C1orf35: variants seen among roughly 807,000 people sequenced by gnomAD.
C1orf35 encodes the protein chromosome 1 open reading frame 35.
C1orf35 carries 36 observed loss-of-function variants against 30.9 expected under a neutral mutation model. That is an observed-to-expected ratio of 1.16 (90% CI 0.89 to 1.54). C1orf35 has a LOEUF of 1.54. C1orf35 is among the 40% of genes most tolerant of loss of function. The pLI is 0.00. For synonymous variants in C1orf35, 179 were observed against 148.2 expected, an observed-to-expected ratio of 1.21 and a Z score of -1.51; for missense variants, 396 against 358.7, an observed-to-expected ratio of 1.10 and a Z score of -0.84.
At position 228,103,287 on chromosome 1, in the gene C1orf35, G is replaced by C. The variant is rs571684864; in HGVS notation, c.-60C>G. The C allele has an allele frequency of 1.5e-5, 24 of 1,578,190 alleles. No individual in the cohort carries two copies. The highest frequency in any genetic ancestry group is 1.9e-5 in the Non-Finnish European group (22 of 1,163,090). On this transcript the variant is annotated 5_prime_UTR_variant, in exon 1 of 8. Transcript: ENST00000272139. ...TTGCAACCTGCAACCCGCAACCCGA[G>C]ACCCGCTACCCACTACCGTCGGACC...
chr1:228,100,991 C>T lies in C1orf35; in HGVS notation c.*140G>A. On this transcript the variant is annotated 3_prime_UTR_variant, in exon 8 of 8. Transcript: ENST00000272139. ...CAGAGCTAGCTGTCAAGTCTTTAGCCCCACAGGCTGGTGCCCAGAGCCACT... is the reference window on the plus strand; with the variant it reads ...CAGAGCTAGCTGTCAAGTCTTTAGCTCCACAGGCTGGTGCCCAGAGCCACT... The T allele has an allele frequency of 1.6e-6, 2 of 1,276,266 alleles. No homozygotes were observed. Among genetic ancestry groups the T allele is most frequent in the Non-Finnish European group, 2.2e-6 (2 of 925,374 alleles). The allele number at this position is 1,276,266 out of a possible 1,614,324, so 79.1% of individuals were successfully genotyped here. A position where few individuals can be genotyped will look rare whatever the true frequency, so the allele number is the denominator to read the frequency against.
At position 228,102,629 on chromosome 1, in the gene C1orf35, C is replaced by A; in HGVS notation, c.291+14G>T. ...CCCACGGCCCTCCACGCGCCCCCCACCCCGGGGAGTTACCTCCTTGCTCAG... is the reference window on the plus strand; with the variant it reads ...CCCACGGCCCTCCACGCGCCCCCCAACCCGGGGAGTTACCTCCTTGCTCAG... On this transcript the variant is annotated intron_variant, in intron 3 of 7. Transcript: ENST00000272139. The A allele has an allele frequency of 1.9e-6, 3 of 1,600,034 alleles. No homozygotes were observed. The highest frequency in any genetic ancestry group is 1.3e-5 in the African/African-American group (1 of 74,786).
chr1:228,101,851 G>A, intron 6 of C1orf35: 2 of 1,415,996 alleles, frequency 1.4e-6, no homozygotes, highest in East Asian at 2.6e-5. Flanking sequence ...GCCCTCCCAC[G>A]GCACAGCGCC....
chr1:228,102,571 G>A lies in C1orf35; in HGVS notation c.292-11C>T, dbSNP rs566468092. 1.9e-6 allele frequency: 3 copies of A among 1,569,268 alleles called. No homozygotes were observed. The highest frequency in any genetic ancestry group is 2.3e-5 in the South Asian group (2 of 86,318). ...GACCTCCGCGAAGTCCTGCAGGTGCGAGAGCACAGGGAGCGCTCGAGTCGG... is the reference window on the plus strand; with the variant it reads ...GACCTCCGCGAAGTCCTGCAGGTGCAAGAGCACAGGGAGCGCTCGAGTCGG... On this transcript the variant is annotated splice_polypyrimidine_tract_variant and intron_variant, in intron 3 of 7. Transcript: ENST00000272139.
Position 228,103,306 on chromosome 1 carries a change from T to TCGGACCCAGGC in C1orf35, c.-90_-80dup. The TCGGACCCAGGC allele has an allele frequency of 6.6e-7, 1 of 1,525,572 alleles. No individual in the cohort carries two copies. 94.5% of individuals were successfully genotyped at this position (1,525,572 alleles called of 1,614,324 possible). ...ACCCGAGACCCGCTACCCACTACCG[T>TCGGACCCAGGC]CGGACCCAGGCCCGACCCCGCCTCC... On this transcript the variant is annotated 5_prime_UTR_variant, in exon 1 of 8. Transcript: ENST00000272139.
chr1:228,102,036 C>A lies in C1orf35; in HGVS notation c.533+44G>T, dbSNP rs753343443. 33 of 1,484,316 alleles carry A rather than the reference C, an allele frequency of 2.2e-5. 1 individual carries two copies. The highest frequency in any genetic ancestry group is 4.6e-5 in the Admixed American group (2 of 43,302). The allele number at this position is 1,484,316 out of a possible 1,614,324, so 91.9% of individuals were successfully genotyped here. On this transcript the variant is annotated intron_variant, in intron 6 of 7. Transcript: ENST00000272139. The stretch of plus-strand genomic sequence containing the variant: ...GGGAGCCGCTCCGGTCCTCCCGAGA[C>A]CCCCCACCCCGGGGCACAGCTAGCC...
Position 228,102,300 on chromosome 1 carries a change from G to A in C1orf35, c.447+10C>T, listed in dbSNP as rs1306504319. 3.1e-6 allele frequency: 5 copies of A among 1,610,202 alleles called. No homozygotes were observed. Among genetic ancestry groups the A allele is most frequent in the Non-Finnish European group, 4.2e-6 (5 of 1,179,396 alleles). On this transcript the variant is annotated intron_variant, in intron 5 of 7. Transcript: ENST00000272139. Reference sequence around the variant, plus strand: ...AGCCCCTGCTGCGGTCAGGCGGGGCGGGGGATTACCGTGAACACAGACAGC... The same window carrying A: ...AGCCCCTGCTGCGGTCAGGCGGGGCAGGGGATTACCGTGAACACAGACAGC...
At position 228,102,068 on chromosome 1, in the gene C1orf35, G is replaced by A. The variant is rs746733325; in HGVS notation, c.533+12C>T. The A allele has an allele frequency of 2.6e-5, 41 of 1,567,104 alleles. 2 individuals are homozygous for A. The South Asian group carries it at 4.6e-4, about 18-fold the overall frequency. ...CCCCGGGGCACAGCTAGCCCAGGTG[G>A]CACAGCCTCACCTGCTTTCCGTCTG... On this transcript the variant is annotated intron_variant, in intron 6 of 7. Transcript: ENST00000272139.
In C1orf35 at chr1:228,102,139, G is replaced by C. The variant is rs1264429720; in HGVS notation, c.474C>G (p.Pro158=). 1 of 1,559,054 alleles carries C rather than the reference G, an allele frequency of 6.4e-7. No individual in the cohort carries two copies. The highest frequency in any genetic ancestry group is 1.2e-5 in the South Asian group (1 of 86,280). The change falls in exon 6 of 8, where the codon CCC becomes CCG. Residue 158 remains proline, a synonymous_variant. Coordinates refer to ENST00000272139, the MANE Select transcript of C1orf35 (RefSeq NM_024319.4). The part of the protein sequence containing the change: ...FTHHRVESGG[P]GTSAASARRK... Reference sequence around the variant, plus strand: ...TCCTGGCCGAGGCTGCCGAGGTCCCGGGCCCGCCGCTCTCTACGCGGTGAT... The same window carrying C: ...TCCTGGCCGAGGCTGCCGAGGTCCCCGGCCCGCCGCTCTCTACGCGGTGAT...
chr1:228,101,623 T>C (rs758172077), intron 6 of C1orf35, 150 bp from the exon 7 acceptor site: 3 of 1,490,396 alleles, frequency 2.0e-6, no homozygotes, highest in East Asian at 2.3e-5. Context: ...CTCAGTTACG[T>C]AGTCACGTGG....
In C1orf35 at chr1:228,101,227, G is replaced by A. The variant is rs1218005262; in HGVS notation, c.696C>T (p.Asp232=). The A allele has an allele frequency of 1.2e-6, 2 of 1,614,046 alleles. No individual in the cohort carries two copies. Among genetic ancestry groups the A allele is most frequent in the Non-Finnish European group, 8.5e-7 (1 of 1,180,036 alleles). Residue 232 remains aspartate, a synonymous_variant, in exon 8 of 8, where the codon GAC becomes GAT. Coordinates refer to ENST00000272139, the MANE Select transcript of C1orf35 (RefSeq NM_024319.4). ...TCCTCTTACAGCAGGGGGAGTTGGA[G>A]TCGGAGTCATGGTGGTGGTGCCTGG... The part of the protein sequence containing the change: ...ERPRHHHHDS[D]SNSPCCKRRK...
intron 6 of C1orf35, 159 bp downstream of exon 6, chr1:228,101,920 GA>G: frequency 7.0e-7 from 1 of 1,422,958 alleles, no homozygotes; most frequent in Non-Finnish European, 9.1e-7. Flanking sequence ...CTCCCCTAGA[GA>G]AAAACCTAGG....
rs1302258590 is a variant in C1orf35, at chr1:228,101,082, T to G, written c.*49A>C. On this transcript the variant is annotated 3_prime_UTR_variant, in exon 8 of 8. Coordinates refer to ENST00000272139, the MANE Select transcript of C1orf35 (RefSeq NM_024319.4). ...CTTCCGAGGCAGGAGGCAAGCAAGG[T>G]GAAGGGAGGGTTCAGGGTCCCACAA... The G allele has an allele frequency of 1.2e-6, 2 of 1,603,932 alleles. No homozygotes were observed. Among genetic ancestry groups the G allele is most frequent in the East Asian group, 2.2e-5 (1 of 44,836 alleles).
chr1:228,102,271 T>C lies in C1orf35; in HGVS notation c.447+39A>G. On this transcript the variant is annotated intron_variant, in intron 5 of 7. Transcript: ENST00000272139. ...CAGTGCCCCCGCCCCGCCCCACCCCTGTTAGCCCCTGCTGCGGTCAGGCGG... is the reference window on the plus strand; with the variant it reads ...CAGTGCCCCCGCCCCGCCCCACCCCCGTTAGCCCCTGCTGCGGTCAGGCGG... The C allele has an allele frequency of 3.1e-6, 5 of 1,601,974 alleles. No homozygotes were observed. The South Asian group carries it at 4.4e-5, about 14-fold the overall frequency.
intron 1 of C1orf35, 32 bp from the exon 2 acceptor site, chr1:228,103,081 C>A: frequency 6.2e-7 from 1 of 1,605,564 alleles, no homozygotes; most frequent in South Asian, 1.1e-5. Flanking sequence ...GTCCAGCGCC[C>A]GCCCGGGATC....
chr1:228,100,769 A>G lies in C1orf35; in HGVS notation c.*362T>C, dbSNP rs1036112465. ...ATATTTATTGAAATACAAAGAGTCA[A>G]TATAAAGAAAAATAGAGGTCACCAT... On this transcript the variant is annotated 3_prime_UTR_variant, in exon 8 of 8. Transcript: ENST00000272139. The G allele has an allele frequency of 4.5e-6, 1 of 224,452 alleles. No individual in the cohort carries two copies. The highest frequency in any genetic ancestry group is 2.3e-5 in the African/African-American group (1 of 44,122). 13.9% of individuals were successfully genotyped at this position (224,452 alleles called of 1,614,324 possible). A position where few individuals can be genotyped will look rare whatever the true frequency, so the allele number is the denominator to read the frequency against.
Position 228,102,160 on chromosome 1 carries a change from G to A in C1orf35, c.453C>T (p.His151=), listed in dbSNP as rs202176716. ...TCCCGGGCCCGCCGCTCTCTACGCG[G>A]TGATGCTGCGGGAGAAGCGAGCTCT... The part of the protein sequence containing the change: ...AKLGLSVFTH[H]RVESGGPGTS... Residue 151 remains histidine, a synonymous_variant, in exon 6 of 8, where the codon CAC becomes CAT. Coordinates refer to ENST00000272139, the MANE Select transcript of C1orf35 (RefSeq NM_024319.4). 12 of 1,582,744 alleles carry A rather than the reference G, an allele frequency of 7.6e-6. No homozygotes were observed. The East Asian group carries it at 2.5e-4, about 33-fold the overall frequency.
rs773212690 is a variant in C1orf35 at position 228,102,539 on chromosome 1, G to A, written c.313C>T (p.Arg105Trp). ...SKEDFAEVCKREGGDPEEKGV... is the reference protein window; with the variant it reads ...SKEDFAEVCKWEGGDPEEKGV... Reference sequence around the variant, plus strand: ...TTCTCCTCGGGGTCGCCTCCTTCCCGCTTGCAGACCTCCGCGAAGTCCTGC... The same window carrying A: ...TTCTCCTCGGGGTCGCCTCCTTCCCACTTGCAGACCTCCGCGAAGTCCTGC... The change falls in exon 4 of 8, where the codon CGG becomes TGG. Residue 105 changes from arginine (R) to tryptophan (W), a missense_variant. Physicochemically the swap from Arg to Trp is moderately radical, Grantham distance 101. Coordinates refer to ENST00000272139, the MANE Select transcript of C1orf35 (RefSeq NM_024319.4). The A allele has an allele frequency of 1.3e-6, 2 of 1,558,596 alleles. No homozygotes were observed. Among genetic ancestry groups the A allele is most frequent in the Middle Eastern group, 1.9e-4 (1 of 5,284 alleles).
rs372383894 is a variant in C1orf35, at chr1:228,102,181, G to A, written c.448-16C>T. ...CGCGGTGATGCTGCGGGAGAAGCGA[G>A]CTCTGCGGAGGAGTCTGCGGGCCGG... is the stretch of plus-strand genomic sequence containing the variant. On this transcript the variant is annotated splice_polypyrimidine_tract_variant and intron_variant, in intron 5 of 7. Coordinates refer to ENST00000272139, the MANE Select transcript of C1orf35 (RefSeq NM_024319.4). 2 of 1,574,058 alleles carry A rather than the reference G, an allele frequency of 1.3e-6. No individual in the cohort carries two copies. The highest frequency in any genetic ancestry group is 2.3e-5 in the East Asian group (1 of 43,530).
Sources: allele counts gnomAD v4.1 joint callset, GRCh38; gene constraint gnomAD v4.1.1; transcripts MANE v1.5; gene names NCBI Gene and HGNC (gene_info 2026-07-23, HGNC 2026-07-21).